Variants in NKAIN2 observed in about 807,000 individuals in gnomAD.
The protein encoded by NKAIN2 is sodium/potassium transporting ATPase interacting 2, also known as sodium/potassium-transporting ATPase subunit beta-1-interacting protein 2.
A neutral mutation model predicts 32.6 loss-of-function variants in NKAIN2; 14 were observed. That is an observed-to-expected ratio of 0.43 (90% CI 0.28 to 0.67). The LOEUF (loss-of-function observed/expected upper bound fraction) is 0.67, where lower values mean the gene tolerates loss of function less well. NKAIN2 is among the 30% of genes least tolerant of loss of function. The pLI, the probability that NKAIN2 is intolerant of heterozygous loss-of-function variation, is 0.17. For synonymous variants in NKAIN2, 80 were observed against 87.2 expected, an observed-to-expected ratio of 0.92 and a Z score of 0.46; for missense variants, 198 against 258.3, an observed-to-expected ratio of 0.77 and a Z score of 1.60.
intron 2 of NKAIN2, among the ~76,000 whole-genome samples, chr6:124,346,976 T>C (rs1798456461): frequency 6.6e-6 from 1 of 152,228 alleles, no homozygotes; most frequent in Non-Finnish European, 1.5e-5. Context: ...CTGGTACCGG[T>C]TGTGCCTTTC....
chr6:124,371,500 T>C (rs1799758246), intron 3 of NKAIN2, among the ~76,000 whole-genome samples: 2 of 151,976 alleles, frequency 1.3e-5, no homozygotes, highest in Admixed American at 1.3e-4. Context: ...AAGACCAGTC[T>C]GACCAACAGG....
intron 3 of NKAIN2, among the ~76,000 whole-genome samples, chr6:124,384,639 G>A (rs1772808078): frequency 6.9e-6 from 1 of 145,578 alleles, no homozygotes; most frequent in Non-Finnish European, 1.6e-5. Flanking sequence ...CTGTTTTTTT[G>A]AGACAGGGTC....
intron 3 of NKAIN2, among the ~76,000 whole-genome samples, chr6:124,441,935 T>A (rs1386806419): frequency 6.6e-6 from 1 of 151,420 alleles, no homozygotes; most frequent in African/African-American, 2.5e-5. Flanking sequence ...ATGAGGGCAG[T>A]AACTAGATAA....
At chr6:124,469,744 TA>T (rs1776899303) in intron 3 of NKAIN2, among the ~76,000 whole-genome samples, 1 of 152,102 alleles carries the variant, frequency 6.6e-6, no homozygotes, top group Non-Finnish European at 1.5e-5. Context: ...TTTTTCACAG[TA>T]AAAATCCCAG....
intron 1 of NKAIN2, among the ~76,000 whole-genome samples, chr6:124,188,523 TTTGA>T (rs1277548692): frequency 1.3e-5 from 2 of 152,252 alleles, no homozygotes; most frequent in African/African-American, 2.4e-5. Context: ...TAGCTTAGTG[TTTGA>T]TTGAATAACT....
At chr6:124,656,192 A>G (rs946914383) in intron 3 of NKAIN2, among the ~76,000 whole-genome samples, 2 of 152,204 alleles carry the variant, frequency 1.3e-5, no homozygotes, top group Admixed American at 1.3e-4. Flanking sequence ...TTCTTCTGCT[A>G]CCATTGGATA....
At chr6:124,387,149 G>A (rs1772934215) in intron 3 of NKAIN2, among the ~76,000 whole-genome samples, 1 of 152,010 alleles carries the variant, frequency 6.6e-6, no homozygotes, top group Non-Finnish European at 1.5e-5. Flanking sequence ...TAAAATATAT[G>A]AGTGTACACT....
intron 1 of NKAIN2, among the ~76,000 whole-genome samples, chr6:124,124,981 A>G (rs528672856): frequency 5.3e-5 from 8 of 152,314 alleles, no homozygotes; most frequent in Admixed American, 2.6e-4. Flanking sequence ...CACAAATTTC[A>G]TTGTGTCACT....
At chr6:124,218,907 G>A (rs1183377077) in intron 1 of NKAIN2, among the ~76,000 whole-genome samples, 1 of 152,196 alleles carries the variant, frequency 6.6e-6, no homozygotes, top group African/African-American at 2.4e-5. Context: ...TTGACTCACA[G>A]TTCCACACAG....
At chr6:124,308,695 C>T in intron 2 of NKAIN2, among the ~76,000 whole-genome samples, 1 of 152,146 alleles carries the variant, frequency 6.6e-6, no homozygotes, top group Non-Finnish European at 1.5e-5. Flanking sequence ...GTATATTCAC[C>T]CATTTTATGG....
Position 124,823,365 on chromosome 6 carries a change from C to T in NKAIN2, c.*136C>T, listed in dbSNP as rs1781469630. 6 of 714,834 alleles carry T rather than the reference C, an allele frequency of 8.4e-6. No homozygotes were observed. Among genetic ancestry groups the T allele is most frequent in the Non-Finnish European group, 1.0e-5 (4 of 394,678 alleles). 44.3% of individuals were successfully genotyped at this position (714,834 alleles called of 1,614,324 possible). ...TATTAACAAAACAAATGCAAAGCCT[C>T]TACATACAACACTGACACACACACA... On this transcript the variant is annotated 3_prime_UTR_variant, in exon 7 of 7. Coordinates refer to ENST00000368417, the MANE Select transcript of NKAIN2 (RefSeq NM_001040214.3).
chr6:124,546,390 A>G (rs759069205), intron 3 of NKAIN2, among the ~76,000 whole-genome samples: 1 of 152,134 alleles, frequency 6.6e-6, no homozygotes, highest in Non-Finnish European at 1.5e-5. Flanking sequence ...ATACGTCATC[A>G]AAAAGGACAT....
At chr6:124,152,514 G>A (rs1197264598) in intron 1 of NKAIN2, among the ~76,000 whole-genome samples, 2 of 151,848 alleles carry the variant, frequency 1.3e-5, no homozygotes, top group East Asian at 3.9e-4. Context: ...AAAATAACAA[G>A]TGTTGATGAG....
At chr6:124,110,325 G>T (rs1356992241) in intron 1 of NKAIN2, among the ~76,000 whole-genome samples, 3 of 152,040 alleles carry the variant, frequency 2.0e-5, no homozygotes, top group African/African-American at 7.2e-5. Context: ...ACAAAATTCA[G>T]CATATACTCA....
intron 1 of NKAIN2, among the ~76,000 whole-genome samples, chr6:124,017,910 A>G (rs765651260): frequency 6.6e-6 from 1 of 152,050 alleles, no homozygotes; most frequent in Non-Finnish European, 1.5e-5. Context: ...TCACAGCTCC[A>G]CTAGTCAGTG....
At chr6:124,664,231 TACC>T (rs1772651004) in intron 4 of NKAIN2, among the ~76,000 whole-genome samples, 1 of 150,874 alleles carries the variant, frequency 6.6e-6, no homozygotes, top group Admixed American at 6.6e-5. Flanking sequence ...TCTGAGATCA[TACC>T]ATTTCACTCC....
intron 2 of NKAIN2, among the ~76,000 whole-genome samples, chr6:124,296,192 G>A (rs969263715): frequency 2.0e-5 from 3 of 151,968 alleles, no homozygotes; most frequent in Non-Finnish European, 4.4e-5. Context: ...GTATATTAGA[G>A]TATAATGAAC....
At chr6:123,867,293 A>C (rs1273915934) in intron 1 of NKAIN2, among the ~76,000 whole-genome samples, 2 of 152,232 alleles carry the variant, frequency 1.3e-5, no homozygotes, top group African/African-American at 2.4e-5. Context: ...TATGCCATTA[A>C]GAACAAGTAC....
intron 1 of NKAIN2, among the ~76,000 whole-genome samples, chr6:124,139,621 A>G (rs1366091300): frequency 6.6e-6 from 1 of 152,236 alleles, no homozygotes; most frequent in Non-Finnish European, 1.5e-5. Flanking sequence ...AAACATTCCC[A>G]TTATAGTGAT....
Sources: allele counts gnomAD v4.1 joint callset (sites outside exome capture counted in the v4.1 genomes callset), GRCh38; gene constraint gnomAD v4.1.1; transcripts MANE v1.5; gene names NCBI Gene and HGNC (gene_info 2026-07-23, HGNC 2026-07-21).